Variants in KIAA1217 observed in about 807,000 individuals in gnomAD.
KIAA1217 encodes KIAA1217, also known as sickle tail protein homolog.
In KIAA1217, 88 loss-of-function variants were observed where a neutral mutation model predicts 163.9. The observed-to-expected ratio is 0.54, with a 90% CI of 0.45 to 0.64. KIAA1217 has a LOEUF of 0.64. Ranked by LOEUF, KIAA1217 falls within the 30% of genes least tolerant of loss-of-function variation. The pLI, the probability that KIAA1217 is intolerant of heterozygous loss-of-function variation, is 0.00. For synonymous variants in KIAA1217, 903 were observed against 923.1 expected, an observed-to-expected ratio of 0.98 and a Z score of 0.39; for missense variants, 2,372 against 2,475.0, an observed-to-expected ratio of 0.96 and a Z score of 0.88.
chr10:24,471,886 CAAAAAAA>C (rs749624402), intron 5 of KIAA1217, among the ~76,000 whole-genome samples: 59 of 46,944 alleles, frequency 1.3e-3, no homozygotes, highest in African/African-American at 4.4e-3. Flanking sequence ...GACTCCATCT[CAAAAAAA>C]AAAAAAAAAA....
rs1162258645 is a variant in KIAA1217, at chr10:23,695,433, G to C, written c.-321+199G>C. On this transcript the variant is annotated intron_variant, in intron 1 of 18. Transcript: ENST00000376462. This position sits in a 1 kb window ranked among gnomAD's most constrained non-coding sequence, Gnocchi z 4.9. ...CGGGAGGGGTCCCGGTGCGGTGATGGGGTGCCAAAAGGAGAAGACCCCCAA... is the reference window on the plus strand; with the variant it reads ...CGGGAGGGGTCCCGGTGCGGTGATGCGGTGCCAAAAGGAGAAGACCCCCAA... Among the ~76,000 whole-genome samples, 1 of 152,132 alleles carries C rather than the reference G, an allele frequency of 6.6e-6. No individual in the cohort carries two copies.
At chr10:24,404,587 A>AC (rs1414412376) in intron 3 of KIAA1217, among the ~76,000 whole-genome samples, 1 of 150,848 alleles carries the variant, frequency 6.6e-6, no homozygotes, top group African/African-American at 2.5e-5. Context: ...AAAAAAAAAA[A>AC]AAAAAACTGA....
In KIAA1217 at chr10:24,528,041, A is replaced by G. The variant is rs1211491535; in HGVS notation, c.3004A>G (p.Ile1002Val). Residue 1002 changes from isoleucine (I) to valine (V), a missense_variant, in exon 14 of 21, where the codon ATA becomes GTA. Physicochemically the swap from Ile to Val is conservative, Grantham distance 29. Transcript: ENST00000376454. ...EEAQANIMKS[I>V]PNLEMPPATG... Reference sequence around the variant, plus strand: ...AGCTCAGGCCAATATCATGAAGTCAATACCAAATCTGGAGATGCCGCCAGC... The same window carrying G: ...AGCTCAGGCCAATATCATGAAGTCAGTACCAAATCTGGAGATGCCGCCAGC... 4 of 1,614,096 alleles carry G rather than the reference A, an allele frequency of 2.5e-6. No homozygotes were observed. The highest frequency in any genetic ancestry group is 1.1e-5 in the South Asian group (1 of 91,090).
chr10:23,850,862 G>A (rs1039997699), intron 1 of KIAA1217, among the ~76,000 whole-genome samples: 3 of 151,946 alleles, frequency 2.0e-5, no homozygotes, highest in East Asian at 3.9e-4. Flanking sequence ...GACAGAAAAG[G>A]AAGAAGAGAG....
chr10:23,845,225 G>T (rs1838967850), intron 1 of KIAA1217, among the ~76,000 whole-genome samples: 1 of 152,168 alleles, frequency 6.6e-6, no homozygotes, highest in Non-Finnish European at 1.5e-5. Context: ...ATAGTAGAAT[G>T]ATTTGTAATC....
At chr10:23,730,295 A>C (rs1386395816) in intron 1 of KIAA1217, among the ~76,000 whole-genome samples, 1 of 152,104 alleles carries the variant, frequency 6.6e-6, no homozygotes, top group Non-Finnish European at 1.5e-5. Context: ...CCATTTGTTG[A>C]AAATAGTCTT....
intron 9 of KIAA1217, among the ~76,000 whole-genome samples, chr10:24,508,839 A>T (rs190826444): frequency 5.4e-4 from 83 of 152,336 alleles, no homozygotes; most frequent in Admixed American, 1.4e-3. Context: ...ACGTTCTAGA[A>T]CACAAAGAAC....
intron 2 of KIAA1217, among the ~76,000 whole-genome samples, chr10:24,329,834 A>G (rs2045428883): frequency 6.6e-6 from 1 of 152,184 alleles, no homozygotes; most frequent in Non-Finnish European, 1.5e-5. Context: ...AGAAATCATA[A>G]TGGAAAGAGG....
At chr10:24,368,470 C>G (rs182027468) in intron 2 of KIAA1217, among the ~76,000 whole-genome samples, 1 of 151,304 alleles carries the variant, frequency 6.6e-6, no homozygotes, top group Non-Finnish European at 1.5e-5. Flanking sequence ...TTTTTTTTTC[C>G]ATATCAGCAA....
Position 24,547,279 on chromosome 10 carries a change from T to G in KIAA1217, c.*955T>G, listed in dbSNP as rs999578948. The stretch of plus-strand genomic sequence containing the variant: ...GTATGTGACAGCACATAGAGTAGTT[T>G]TCCCACACCAAAGTTAATTTTTATG... On this transcript the variant is annotated 3_prime_UTR_variant, in exon 21 of 21. Transcript: ENST00000376454. 1 of 152,598 alleles carries G rather than the reference T, an allele frequency of 6.6e-6. No individual in the cohort carries two copies. Among genetic ancestry groups the G allele is most frequent in the African/African-American group, 2.4e-5 (1 of 41,448 alleles). 9.5% of individuals were successfully genotyped at this position (152,598 alleles called of 1,614,324 possible).
At chr10:24,288,272 A>G (rs2078753019) in intron 2 of KIAA1217, among the ~76,000 whole-genome samples, 1 of 152,170 alleles carries the variant, frequency 6.6e-6, no homozygotes, top group African/African-American at 2.4e-5. Context: ...AAAGTATCTC[A>G]CCATTTTCCT....
At chr10:24,153,158 C>T (rs911905588) in intron 2 of KIAA1217, among the ~76,000 whole-genome samples, 2 of 152,280 alleles carry the variant, frequency 1.3e-5, no homozygotes, top group African/African-American at 4.8e-5. Flanking sequence ...CTGTCTGTTT[C>T]GCTCCTGGGT....
intron 1 of KIAA1217, among the ~76,000 whole-genome samples, chr10:23,772,639 G>A (rs1490389416): frequency 2.0e-5 from 3 of 152,102 alleles, no homozygotes; most frequent in Admixed American, 6.6e-5. Flanking sequence ...TGTATTATAC[G>A]ATGTCATGCT....
chr10:23,818,351 A>ATATATATAT (rs1554802292), intron 1 of KIAA1217, among the ~76,000 whole-genome samples: 2 of 134,908 alleles, frequency 1.5e-5, no homozygotes, highest in African/African-American at 5.6e-5. Context: ...TATATAAAAA[A>ATATATATAT]ATATATATAT....
chr10:24,072,843 C>T (rs1186525000), intron 2 of KIAA1217, among the ~76,000 whole-genome samples: 2 of 151,884 alleles, frequency 1.3e-5, no homozygotes, highest in Non-Finnish European at 2.9e-5. Context: ...CTAATAAAGC[C>T]TGTCAGAAAG....
chr10:24,209,085 G>A (rs1353364913), upstream of KIAA1217: 31 of 862,682 alleles, frequency 3.6e-5, 1 homozygote, highest in East Asian at 6.9e-4. Context: ...GTTTCGCACC[G>A]TCCCCTCCTC....
intron 1 of KIAA1217, among the ~76,000 whole-genome samples, chr10:23,767,731 G>A (rs1220351863): frequency 6.6e-6 from 1 of 152,130 alleles, no homozygotes. Context: ...CATGGGGGCA[G>A]GGTTTTAGTG....
chr10:23,695,519 G>T lies in KIAA1217; in HGVS notation c.-321+285G>T, dbSNP rs1324325153. On this transcript the variant is annotated intron_variant, in intron 1 of 18. Coordinates refer to the KIAA1217 transcript ENST00000376462. The surrounding 1 kb of genome is among the most constrained non-coding windows in gnomAD (Gnocchi z 4.9). The stretch of plus-strand genomic sequence containing the variant: ...GGATCTCAGAAAGGGAAGGATGTGG[G>T]GAGAGTGAAGGTGGAGGCAGTCACA... Among the ~76,000 whole-genome samples the T allele has an allele frequency of 6.6e-6, 1 of 152,182 alleles. No individual in the cohort carries two copies. Among genetic ancestry groups the T allele is most frequent in the Non-Finnish European group, 1.5e-5 (1 of 68,044 alleles).
intron 2 of KIAA1217, among the ~76,000 whole-genome samples, chr10:24,059,196 C>A (rs148603935): frequency 6.6e-6 from 1 of 152,100 alleles, no homozygotes; most frequent in Non-Finnish European, 1.5e-5. Flanking sequence ...TTTTTGTATG[C>A]TCCACCATCC....
Sources: allele counts gnomAD v4.1 joint callset (sites outside exome capture counted in the v4.1 genomes callset), GRCh38; gene constraint gnomAD v4.1.1; non-coding constraint Gnocchi (gnomAD v3.1); transcripts MANE v1.5; gene names NCBI Gene and HGNC (gene_info 2026-07-23, HGNC 2026-07-21).